Variants in RTN4 observed in about 807,000 individuals in gnomAD.
RTN4 encodes the protein reticulon-4.
RTN4 carries 32 observed loss-of-function variants against 90.4 expected under a neutral mutation model. The observed-to-expected ratio is 0.35, with a 90% confidence interval of 0.27 to 0.48. The LOEUF is 0.48. RTN4 is among the 20% of genes least tolerant of loss of function. The pLI, the probability that RTN4 is intolerant of heterozygous loss-of-function variation, is 0.99. For synonymous variants in RTN4, 629 were observed against 552.5 expected, an observed-to-expected ratio of 1.14 and a Z score of -1.94; for missense variants, 1,706 against 1,430.2, an observed-to-expected ratio of 1.19 and a Z score of -3.11.
chr2:55,102,808 T>C (rs1025275706), intron 1 of RTN4, among the ~76,000 whole-genome samples: 2 of 152,148 alleles, frequency 1.3e-5, no homozygotes, highest in African/African-American at 4.8e-5. Context: ...AATTCAAATC[T>C]CTTTATTAAT....
intron 1 of RTN4, among the ~76,000 whole-genome samples, chr2:55,110,249 T>C (rs1241402049): frequency 6.7e-6 from 1 of 150,274 alleles, no homozygotes; most frequent in African/African-American, 2.5e-5. Flanking sequence ...AGGCAGAGGT[T>C]GCAGTGAGCC....
the RTN4 span, among the ~76,000 whole-genome samples, chr2:55,131,450 C>T: frequency 6.6e-6 from 1 of 152,086 alleles, no homozygotes; most frequent in Non-Finnish European, 1.5e-5. Context: ...TCAAGTGATC[C>T]TTCCTCCTGG....
At chr2:55,125,129 A>G in the RTN4 span, among the ~76,000 whole-genome samples, 2 of 152,252 alleles carry the variant, frequency 1.3e-5, no homozygotes. Flanking sequence ...TAAAGTCTTA[A>G]AAGTAAAATG....
At position 55,058,866 on chromosome 2, in the gene RTN4, A is replaced by ATT. The variant is rs71410412; in HGVS notation, c.-63+21621_-63+21622dup. On this transcript the variant is annotated intron_variant, in intron 2 of 3. Coordinates refer to the RTN4 transcript ENST00000427710. Reference sequence around the variant, plus strand: ...TAAGTTTTGGCTTTCTTTTTTGATAATTTTTTTTTTAAATTATAATAATAG... The same window carrying ATT: ...TAAGTTTTGGCTTTCTTTTTTGATAATTTTTTTTTTTTAAATTATAATAATAG... Among the ~76,000 whole-genome samples the ATT allele has an allele frequency of 5.1e-3, 773 of 151,228 alleles. 7 individuals are homozygous for ATT. Among genetic ancestry groups the ATT allele is most frequent in the Non-Finnish European group, 7.0e-3 (474 of 67,762 alleles).
the RTN4 span, among the ~76,000 whole-genome samples, chr2:55,122,387 C>T: frequency 6.6e-5 from 10 of 152,196 alleles, no homozygotes; most frequent in African/African-American, 2.4e-4. Context: ...CCAAGGTTTG[C>T]ACACATGGCC....
chr2:55,035,159 G>C (rs891826871), intron 1 of RTN4, among the ~76,000 whole-genome samples: 1 of 152,098 alleles, frequency 6.6e-6, no homozygotes, highest in East Asian at 1.9e-4. Context: ...AGATGATTTA[G>C]GCCCCACTAC....
At chr2:55,032,618 G>C (rs187060157) in intron 1 of RTN4, among the ~76,000 whole-genome samples, 57 of 152,074 alleles carry the variant, frequency 3.7e-4, no homozygotes, top group African/African-American at 1.2e-3. Context: ...AACAACAACA[G>C]AAAGTATCCA....
intron 3 of RTN4, among the ~76,000 whole-genome samples, chr2:55,001,161 A>G (rs1000364819): frequency 9.9e-5 from 15 of 152,280 alleles, no homozygotes; most frequent in Non-Finnish European, 1.9e-4. Flanking sequence ...AGCCAAACAT[A>G]AAGATGTGAA....
At chr2:55,006,036 T>G (rs1396341283) in intron 3 of RTN4, among the ~76,000 whole-genome samples, 1 of 152,168 alleles carries the variant, frequency 6.6e-6, no homozygotes, top group Non-Finnish European at 1.5e-5. Flanking sequence ...ATTAAAATAT[T>G]GTAGTCATTA....
At chr2:55,123,237 A>G in the RTN4 span, among the ~76,000 whole-genome samples, 1 of 152,234 alleles carries the variant, frequency 6.6e-6, no homozygotes, top group East Asian at 1.9e-4. Flanking sequence ...TGATTCTTGT[A>G]TGACCTCAGC....
chr2:55,025,651 AGGTAAC>A lies in RTN4; in HGVS notation c.2442_2447del (p.Leu815_Pro816del). 6.2e-7 allele frequency: 1 copy of A among 1,613,776 alleles called. No homozygotes were observed. The highest frequency in any genetic ancestry group is 1.7e-4 in the Middle Eastern group (1 of 6,052). On this transcript the variant is annotated inframe_deletion, in exon 3 of 9. Transcript: ENST00000337526. Reference sequence around the variant, plus strand: ...TTTTGCTCAATGTTGAAACTTCATCAGGTAACAGGGTATCTTTTGTGTTATCTAAAC... The same window carrying A: ...TTTTGCTCAATGTTGAAACTTCATCAAGGGTATCTTTTGTGTTATCTAAAC...
At chr2:55,000,032 T>G (rs1393598345) in intron 3 of RTN4, among the ~76,000 whole-genome samples, 2 of 152,146 alleles carry the variant, frequency 1.3e-5, no homozygotes, top group Non-Finnish European at 2.9e-5. Context: ...TACCCACCCC[T>G]AAGAAATTAT....
At chr2:55,137,432 A>G in the RTN4 span, among the ~76,000 whole-genome samples, 25 of 152,300 alleles carry the variant, frequency 1.6e-4, no homozygotes, top group South Asian at 5.2e-3. Context: ...AGTAACGAAT[A>G]CCTGGACCAC....
intron 2 of RTN4, 32 bp downstream of exon 2, chr2:55,028,132 G>C (rs201881213): frequency 1.8e-5 from 28 of 1,594,854 alleles, no homozygotes; most frequent in Non-Finnish European, 2.3e-5. Context: ...TTAGAATACA[G>C]AGAGGATAAA....
rs187274654 is a variant in RTN4, at chr2:54,977,953, C to T, written c.3361-3189G>A. 5.3e-5 allele frequency among the ~76,000 whole-genome samples: 8 copies of T among 152,256 alleles called. No homozygotes were observed. In the East Asian group the frequency reaches 1.2e-3, roughly 22 times the overall value. The stretch of plus-strand genomic sequence containing the variant: ...CACACGGATACCCATCATTTCACAC[C>T]GGTGTTTATAAAAGGACTAATGAGC... On this transcript the variant is annotated intron_variant, in intron 5 of 8. Transcript: ENST00000337526.
chr2:55,010,672 T>C (rs1345535908), intron 3 of RTN4, among the ~76,000 whole-genome samples: 2 of 152,208 alleles, frequency 1.3e-5, no homozygotes, highest in South Asian at 2.1e-4. Context: ...ATGATGAGTC[T>C]CCTTAATTGC....
intron 3 of RTN4, among the ~76,000 whole-genome samples, chr2:55,008,058 T>C (rs1234230205): frequency 6.6e-6 from 1 of 151,688 alleles, no homozygotes; most frequent in Non-Finnish European, 1.5e-5. Context: ...ACAGAAAATA[T>C]GAAGAATATA....
In RTN4 at chr2:55,066,590, A is replaced by C. The variant is rs770747582; in HGVS notation, c.-63+13899T>G. Among the ~76,000 whole-genome samples, 147 of 152,150 alleles carry C rather than the reference A, an allele frequency of 9.7e-4. No individual in the cohort carries two copies. In the Middle Eastern group the frequency reaches 0.014, roughly 14 times the overall value. On this transcript the variant is annotated intron_variant, in intron 2 of 3. Coordinates refer to the RTN4 transcript ENST00000427710. ...GCACCTGTAATCCCAGCTACTCAGG[A>C]GGCTGAAGCAGGAGAGTCGCTTGAA...
In RTN4 at chr2:55,025,897, T is replaced by C. The variant is rs1681821278; in HGVS notation, c.2202A>G (p.Leu734=). Residue 734 remains leucine (L), a synonymous_variant, in exon 3 of 9, where the codon CTA becomes CTG. Transcript: ENST00000337526. The part of the protein sequence containing the change: ...VEQPVPDHSE[L]VEDSSPDSEP... ...CAGAATCAGGTGAGGAATCTTCAAC[T>C]AGCTCAGAATGATCAGGCACTGGCT... The C allele has an allele frequency of 6.2e-7, 1 of 1,613,688 alleles. No individual in the cohort carries two copies. Among genetic ancestry groups the C allele is most frequent in the African/African-American group, 1.3e-5 (1 of 74,908 alleles).
Sources: gnomAD v4.1 joint callset for allele counts (sites outside exome capture counted in the v4.1 genomes callset) on GRCh38, gnomAD v4.1.1 for gene constraint, MANE v1.5 for transcripts, NCBI Gene and HGNC (gene_info 2026-07-23, HGNC 2026-07-21) for gene names.